MAF: variants seen among roughly 807,000 people sequenced by gnomAD.
The protein encoded by MAF is transcription factor Maf.
A neutral mutation model predicts 22.0 loss-of-function variants in MAF; 10 were observed. The observed-to-expected ratio is 0.45, with a 90% confidence interval of 0.28 to 0.77. The LOEUF is 0.77. Ranked by LOEUF, MAF falls within the 30% of genes least tolerant of loss-of-function variation. MAF has a pLI of 0.12. For missense variants in MAF, 544 were observed against 548.4 expected (o/e 0.99, Z 0.08); for synonymous variants, 337 against 255.8 (o/e 1.32, Z -3.03).
the MAF span, among the ~76,000 whole-genome samples, chr16:79,262,961 C>G: frequency 6.6e-6 from 1 of 152,160 alleles, no homozygotes; most frequent in Non-Finnish European, 1.5e-5. Context: ...ATCAGATACA[C>G]ATTTATCCCA....
At chr16:79,573,617 T>C in the MAF span, among the ~76,000 whole-genome samples, 3 of 152,236 alleles carry the variant, frequency 2.0e-5, no homozygotes, top group African/African-American at 7.2e-5. Context: ...CATTTTCTAC[T>C]GTATAGGTAA....
At chr16:79,353,569 G>A in the MAF span, among the ~76,000 whole-genome samples, 2 of 152,078 alleles carry the variant, frequency 1.3e-5, no homozygotes, top group Non-Finnish European at 2.9e-5. Context: ...AGGGAGGAGC[G>A]TCATCTGCAT....
At chr16:79,449,268 C>T in the MAF span, among the ~76,000 whole-genome samples, 7 of 152,204 alleles carry the variant, frequency 4.6e-5, no homozygotes, top group Non-Finnish European at 7.3e-5. Flanking sequence ...CCTCTTGATG[C>T]GCTGCCCAGT....
chr16:79,586,876 G>T (rs1204058165), intron 1 of MAF, among the ~76,000 whole-genome samples: 1 of 152,174 alleles, frequency 6.6e-6, no homozygotes, highest in East Asian at 1.9e-4. Context: ...TACAATAACG[G>T]CGATAAACTA....
At chr16:79,382,953 A>G in the MAF span, among the ~76,000 whole-genome samples, 1 of 152,214 alleles carries the variant, frequency 6.6e-6, no homozygotes, top group Non-Finnish European at 1.5e-5. Context: ...TCTAGCATTC[A>G]TTCATTCATT....
chr16:79,222,553 A>G, the MAF span, among the ~76,000 whole-genome samples: 6 of 152,198 alleles, frequency 3.9e-5, no homozygotes, highest in African/African-American at 1.2e-4. Flanking sequence ...CAAATGGACT[A>G]AATGCTCCAA....
At chr16:79,456,263 C>A in the MAF span, among the ~76,000 whole-genome samples, 1 of 152,010 alleles carries the variant, frequency 6.6e-6, no homozygotes, top group African/African-American at 2.4e-5. Context: ...TTATGGGGAG[C>A]GATCTAATTA....
the MAF span, among the ~76,000 whole-genome samples, chr16:79,555,248 C>G: frequency 5.3e-4 from 81 of 152,274 alleles, no homozygotes; most frequent in Non-Finnish European, 8.1e-4. Flanking sequence ...TTGCAATTCC[C>G]AGTAAATAAC....
At chr16:79,502,715 ATATATATATATATATATATAT>A in the MAF span, among the ~76,000 whole-genome samples, 5 of 41,212 alleles carry the variant, frequency 1.2e-4, no homozygotes, top group South Asian at 1.5e-3. Flanking sequence ...ATAAATATAT[ATATATATATATATATATATAT>A]ATATATATAT....
At chr16:79,479,165 C>G in the MAF span, among the ~76,000 whole-genome samples, 3 of 151,774 alleles carry the variant, frequency 2.0e-5, no homozygotes, top group African/African-American at 7.3e-5. Flanking sequence ...ACCCGTATCC[C>G]ATCTTAATGT....
At chr16:79,544,108 A>G in the MAF span, among the ~76,000 whole-genome samples, 9 of 152,324 alleles carry the variant, frequency 5.9e-5, no homozygotes, top group East Asian at 1.7e-3. Flanking sequence ...TACCCCAACA[A>G]GTGGTATGAT....
At chr16:79,524,656 C>G in the MAF span, among the ~76,000 whole-genome samples, 1 of 152,104 alleles carries the variant, frequency 6.6e-6, no homozygotes. Flanking sequence ...TCTGGTTTTC[C>G]TCGACAGCTA....
At chr16:79,379,337 A>G in the MAF span, among the ~76,000 whole-genome samples, 2 of 152,194 alleles carry the variant, frequency 1.3e-5, no homozygotes, top group Non-Finnish European at 2.9e-5. Flanking sequence ...TGGGTGTGTC[A>G]GCCCTCTCCC....
the MAF span, among the ~76,000 whole-genome samples, chr16:79,569,839 C>T: frequency 1.4e-4 from 21 of 152,250 alleles, no homozygotes; most frequent in Middle Eastern, 3.4e-3. Context: ...GAGCTGTCCC[C>T]GGCTCTTAGG....
chr16:79,212,204 G>A, the MAF span: 2 of 1,450,800 alleles, frequency 1.4e-6, no homozygotes, highest in Non-Finnish European at 1.8e-6. Context: ...CTCCTACTTA[G>A]GGAAGAAAAA....
At chr16:79,234,934 C>T in the MAF span, among the ~76,000 whole-genome samples, 22 of 152,070 alleles carry the variant, frequency 1.4e-4, no homozygotes, top group Non-Finnish European at 2.9e-4. Flanking sequence ...TACACTCCTG[C>T]CATTCACCAT....
At chr16:79,384,542 G>A in the MAF span, among the ~76,000 whole-genome samples, 38 of 151,574 alleles carry the variant, frequency 2.5e-4, no homozygotes, top group African/African-American at 8.7e-4. Context: ...TGGATCACAA[G>A]GTCAGGAGAT....
the MAF span, among the ~76,000 whole-genome samples, chr16:79,474,454 G>C: frequency 1.7e-4 from 26 of 152,174 alleles, no homozygotes; most frequent in Non-Finnish European, 5.9e-5. Flanking sequence ...AGCCAGCAAG[G>C]GTGGATGTTA....
the MAF span, among the ~76,000 whole-genome samples, chr16:79,552,231 T>G: frequency 1.4e-5 from 2 of 147,600 alleles, no homozygotes; most frequent in Non-Finnish European, 3.0e-5. Context: ...TTTTTTTTTT[T>G]CAGTCAGTGT....
Sources: allele counts gnomAD v4.1 joint callset (sites outside exome capture counted in the v4.1 genomes callset), GRCh38; gene constraint gnomAD v4.1.1; transcripts MANE v1.5; gene names NCBI Gene and HGNC (gene_info 2026-07-23, HGNC 2026-07-21).